GUCY1A2: variants seen among roughly 807,000 people sequenced by gnomAD.
GUCY1A2 encodes guanylate cyclase 1 soluble subunit alpha 2.
Under a neutral mutation model 63.5 loss-of-function variants are expected in GUCY1A2, and 27 were observed. That is an observed-to-expected ratio of 0.43 (90% CI 0.31 to 0.59). The LOEUF (loss-of-function observed/expected upper bound fraction) is 0.59. Among genes scored for constraint, GUCY1A2 ranks in the 20% least tolerant of loss-of-function variants. The pLI is 0.11. For synonymous variants in GUCY1A2, 364 were observed against 343.5 expected (o/e 1.06, Z -0.66); for missense variants, 768 against 913.3 (o/e 0.84, Z 2.05).
At chr11:106,958,404 G>A (rs778185909) in intron 3 of GUCY1A2, among the ~76,000 whole-genome samples, 10 of 151,972 alleles carry the variant, frequency 6.6e-5, no homozygotes, top group Non-Finnish European at 1.2e-4. Context: ...TTGCATGTGG[G>A]GCAAAATCTA....
At chr11:106,870,415 A>T (rs1859661114) in intron 4 of GUCY1A2, among the ~76,000 whole-genome samples, 1 of 152,076 alleles carries the variant, frequency 6.6e-6, no homozygotes, top group Non-Finnish European at 1.5e-5. Flanking sequence ...TTATAGTTGT[A>T]TGTGAATTAT....
chr11:106,891,583 A>G (rs953946514), intron 4 of GUCY1A2, among the ~76,000 whole-genome samples: 14 of 152,002 alleles, frequency 9.2e-5, no homozygotes, highest in African/African-American at 3.4e-4. Context: ...TCCATCTTGA[A>G]TTAATTTTTG....
At chr11:106,941,287 T>G (rs907069221) in intron 3 of GUCY1A2, among the ~76,000 whole-genome samples, 1 of 152,082 alleles carries the variant, frequency 6.6e-6, no homozygotes, top group Non-Finnish European at 1.5e-5. Context: ...GAAAAATAAA[T>G]AAGTGTGCAC....
At chr11:107,017,728 G>A (rs763270930) in intron 1 of GUCY1A2, 25 bp downstream of exon 1, 6 of 1,324,024 alleles carry the variant, frequency 4.5e-6, no homozygotes, top group Admixed American at 3.0e-5. Flanking sequence ...CCCGAAGGCG[G>A]TCCCCCCTTC....
intron 4 of GUCY1A2, among the ~76,000 whole-genome samples, chr11:106,850,689 CTTT>C (rs747725854): frequency 6.6e-6 from 1 of 151,714 alleles, no homozygotes; most frequent in African/African-American, 2.4e-5. Flanking sequence ...CGGATGCATT[CTTT>C]TTTTATTTCA....
chr11:106,941,525 C>T (rs916208240), intron 3 of GUCY1A2, among the ~76,000 whole-genome samples: 2 of 152,128 alleles, frequency 1.3e-5, no homozygotes, highest in Non-Finnish European at 2.9e-5. Flanking sequence ...TTTTCTTGCC[C>T]CATTTCCATC....
At chr11:106,797,217 G>A (rs938303747) in intron 5 of GUCY1A2, among the ~76,000 whole-genome samples, 6 of 151,966 alleles carry the variant, frequency 3.9e-5, no homozygotes, top group Non-Finnish European at 7.4e-5. Context: ...CGATGTGTTC[G>A]AACTTCCTCC....
At chr11:106,833,054 T>C (rs973723218) in intron 4 of GUCY1A2, among the ~76,000 whole-genome samples, 1 of 152,036 alleles carries the variant, frequency 6.6e-6, no homozygotes, top group Admixed American at 6.6e-5. Flanking sequence ...CCATTCTCTC[T>C]CCTAGGTTCT....
At chr11:106,951,047 C>T (rs891292047) in intron 3 of GUCY1A2, among the ~76,000 whole-genome samples, 5 of 152,150 alleles carry the variant, frequency 3.3e-5, no homozygotes, top group Admixed American at 1.3e-4. Context: ...CAGCTTCATC[C>T]ATGTCCCTGC....
intron 5 of GUCY1A2, among the ~76,000 whole-genome samples, chr11:106,796,327 G>T (rs944255526): frequency 2.0e-5 from 3 of 152,144 alleles, no homozygotes; most frequent in Non-Finnish European, 4.4e-5. Flanking sequence ...ATATTGTTAT[G>T]TGTGAATTTG....
At chr11:106,927,380 A>C (rs1172787862) in intron 4 of GUCY1A2, among the ~76,000 whole-genome samples, 1 of 151,928 alleles carries the variant, frequency 6.6e-6, no homozygotes, top group Non-Finnish European at 1.5e-5. Flanking sequence ...CTCAAAAAAA[A>C]AATCAAGATT....
intron 7 of GUCY1A2, among the ~76,000 whole-genome samples, chr11:106,696,250 T>C (rs1862717276): frequency 6.6e-6 from 1 of 152,200 alleles, no homozygotes; most frequent in Non-Finnish European, 1.5e-5. Context: ...TTCTAGTAAA[T>C]GTCAAGGAAT....
intron 1 of GUCY1A2, among the ~76,000 whole-genome samples, chr11:107,014,395 C>T (rs1268645821): frequency 1.3e-5 from 2 of 152,142 alleles, no homozygotes; most frequent in Middle Eastern, 6.8e-3. Flanking sequence ...CCCATGTTTC[C>T]CTTTCATATG....
chr11:106,696,758 C>A (rs942733654), intron 7 of GUCY1A2, among the ~76,000 whole-genome samples: 6 of 152,060 alleles, frequency 3.9e-5, no homozygotes, highest in African/African-American at 1.4e-4. Context: ...CTTATATGAA[C>A]AATGTTTTAT....
intron 4 of GUCY1A2, among the ~76,000 whole-genome samples, chr11:106,929,842 TTATC>T (rs1860577378): frequency 1.3e-5 from 2 of 152,142 alleles, no homozygotes; most frequent in Admixed American, 1.3e-4. Flanking sequence ...AACAAAAACT[TTATC>T]TAATTTTTAT....
intron 6 of GUCY1A2, among the ~76,000 whole-genome samples, chr11:106,749,787 C>T (rs913333718): frequency 2.0e-5 from 3 of 151,982 alleles, no homozygotes; most frequent in Non-Finnish European, 4.4e-5. Flanking sequence ...CATTCCTGAC[C>T]CTGGGATCTC....
At chr11:106,864,052 C>T (rs1859552942) in intron 4 of GUCY1A2, among the ~76,000 whole-genome samples, 1 of 151,656 alleles carries the variant, frequency 6.6e-6, no homozygotes, top group Non-Finnish European at 1.5e-5. Context: ...GCATCACACA[C>T]CCTGCCTGTC....
chr11:106,932,685 C>G (rs1161174123), intron 4 of GUCY1A2, among the ~76,000 whole-genome samples: 2 of 152,066 alleles, frequency 1.3e-5, no homozygotes, highest in African/African-American at 4.8e-5. Flanking sequence ...GCAAAAAGAA[C>G]AAAGCCAGAG....
intron 3 of GUCY1A2, among the ~76,000 whole-genome samples, chr11:106,963,175 T>C (rs1861082146): frequency 6.6e-6 from 1 of 152,186 alleles, no homozygotes; most frequent in Non-Finnish European, 1.5e-5. Flanking sequence ...TGAAAAATGA[T>C]GCATACTGGC....
Sources: allele counts gnomAD v4.1 joint callset (sites outside exome capture counted in the v4.1 genomes callset), GRCh38; gene constraint gnomAD v4.1.1; transcripts MANE v1.5; gene names NCBI Gene and HGNC (gene_info 2026-07-23, HGNC 2026-07-21).